MEGF8: variants seen among roughly 807,000 people sequenced by gnomAD.
MEGF8 encodes multiple EGF like domains 8, also known as multiple epidermal growth factor-like domains protein 8.
Under a neutral mutation model 302.9 loss-of-function variants are expected in MEGF8, and 156 were observed. That is an observed-to-expected ratio of 0.52 (90% confidence interval 0.45 to 0.59). The LOEUF (loss-of-function observed/expected upper bound fraction) is 0.59, where lower values mean the gene tolerates loss of function less well. MEGF8 is among the 20% of genes least tolerant of loss of function. MEGF8 has a pLI of 0.00. For missense variants in MEGF8, 3,345 were observed against 3,964.5 expected (o/e 0.84, Z 4.20); for synonymous variants, 1,621 against 1,660.5 (o/e 0.98, Z 0.58).
Position 42,352,805 on chromosome 19 carries a change from A to G in MEGF8, c.3351-123A>G. 1.3e-6 allele frequency: 1 copy of G among 768,232 alleles called. No homozygotes were observed. Among genetic ancestry groups the G allele is most frequent in the South Asian group, 1.8e-5 (1 of 56,658 alleles). The allele number at this position is 768,232 out of a possible 1,614,324, so 47.6% of individuals were successfully genotyped here. A position where few individuals can be genotyped will look rare whatever the true frequency, so the allele number is the denominator to read the frequency against. The stretch of plus-strand genomic sequence containing the variant: ...TTACCTTGGAGACAGGGTCACCCAC[A>G]TAGCCCAAAACCATGGAAACAGCCA... On this transcript the variant is annotated intron_variant, in intron 19 of 41. Coordinates refer to ENST00000251268, the MANE Select transcript of MEGF8 (RefSeq NM_001271938.2). The surrounding 1 kb of genome is among the most constrained non-coding windows in gnomAD (Gnocchi z 4.4).
Position 42,353,589 on chromosome 19 carries a change from C to G in MEGF8, c.3675C>G (p.Asp1225Glu). 1 of 1,596,286 alleles carries G rather than the reference C, an allele frequency of 6.3e-7. No individual in the cohort carries two copies. Among genetic ancestry groups the G allele is most frequent in the South Asian group, 1.1e-5 (1 of 88,692 alleles). Residue 1225 changes from aspartate (D) to glutamate (E), a missense_variant, in exon 21 of 42, where the codon GAC (aspartate) becomes GAG (glutamate). Physicochemically the swap from Asp to Glu is conservative, Grantham distance 45. Transcript: ENST00000251268. The surrounding 1 kb of genome is among the most constrained non-coding windows in gnomAD (Gnocchi z 6.1). Reference protein sequence around the residue: ...GHGDPRRGHCDNLSGLCFCQD... With the variant: ...GHGDPRRGHCENLSGLCFCQD... ...GGGACCCACGCCGTGGCCACTGCGA[C>G]AACCTCAGTGGGCTCTGCTTCTGCC...
chr19:42,356,239 G>A lies in MEGF8; in HGVS notation c.4503+46G>A, dbSNP rs1290997843. 1.1e-5 allele frequency: 16 copies of A among 1,517,474 alleles called. No individual in the cohort carries two copies. The East Asian group carries it at 1.5e-4, about 14-fold the overall frequency. 94.0% of individuals were successfully genotyped at this position (1,517,474 alleles called of 1,614,324 possible). The stretch of plus-strand genomic sequence containing the variant: ...GTCTAGGGATGGTTGCTCCCAGGTC[G>A]TTCTCCCACCTCCATTCCTGGGACC... On this transcript the variant is annotated intron_variant, in intron 25 of 41. Coordinates refer to ENST00000251268, the MANE Select transcript of MEGF8 (RefSeq NM_001271938.2). This position sits in a 1 kb window ranked among gnomAD's most constrained non-coding sequence, Gnocchi z 5.2.
At chr19:42,350,803 T>C (rs145244798) in intron 15 of MEGF8, among the ~76,000 whole-genome samples, 1 of 151,936 alleles carries the variant, frequency 6.6e-6, no homozygotes, top group Non-Finnish European at 1.5e-5. Flanking sequence ...TCAAACAGAG[T>C]GAGGCTTCCT....
In MEGF8 at chr19:42,348,254, C is replaced by G. The variant is rs1468514503; in HGVS notation, c.2098-18C>G. 1.3e-6 allele frequency: 2 copies of G among 1,532,568 alleles called. No homozygotes were observed. Among genetic ancestry groups the G allele is most frequent in the Non-Finnish European group, 1.7e-6 (2 of 1,143,360 alleles). 94.9% of individuals were successfully genotyped at this position (1,532,568 alleles called of 1,614,324 possible). ...TCCAGAAAGGGACTCACACATACACCCATCCCTGGTGGCACAGGTCTCAAT... is the reference window on the plus strand; with the variant it reads ...TCCAGAAAGGGACTCACACATACACGCATCCCTGGTGGCACAGGTCTCAAT... On this transcript the variant is annotated intron_variant, in intron 12 of 41. Transcript: ENST00000251268.
chr19:42,337,379 G>A (rs2039142837), intron 8 of MEGF8, among the ~76,000 whole-genome samples, 173 bp downstream of exon 8: 1 of 152,218 alleles, frequency 6.6e-6, no homozygotes, highest in Admixed American at 6.5e-5. Flanking sequence ...TCGTCACCAT[G>A]GAGATGGGAG....
Position 42,358,880 on chromosome 19 carries a change from A to G in MEGF8, c.5269A>G (p.Lys1757Glu). 1 of 1,611,518 alleles carries G rather than the reference A, an allele frequency of 6.2e-7. No homozygotes were observed. The highest frequency in any genetic ancestry group is 8.5e-7 in the Non-Finnish European group (1 of 1,178,956). The stretch of plus-strand genomic sequence containing the variant: ...GTCATGGGGGTTCCGGGAAGTCAGG[A>G]AGAAGATGGCTCTGTGGGCTGCTCT... ...PGSWGFREVR[K>E]KMALWAALAG... The change falls in exon 30 of 42, where the codon AAG (lysine) becomes GAG (glutamate). Residue 1757 changes from lysine to glutamate, a missense_variant. Coordinates refer to ENST00000251268, the MANE Select transcript of MEGF8 (RefSeq NM_001271938.2). The surrounding 1 kb of genome is among the most constrained non-coding windows in gnomAD (Gnocchi z 4.4).
At chr19:42,359,977 T>A (rs959074758) in intron 31 of MEGF8, among the ~76,000 whole-genome samples, 2 of 151,088 alleles carry the variant, frequency 1.3e-5, no homozygotes, top group African/African-American at 4.9e-5. Flanking sequence ...TTTAATTCCC[T>A]TTTTCTCTTA....
intron 1 of MEGF8, among the ~76,000 whole-genome samples, chr19:42,332,054 A>G (rs1349054894): frequency 6.6e-6 from 1 of 151,642 alleles, no homozygotes; most frequent in East Asian, 1.9e-4. Context: ...ACAGGGTTTC[A>G]CCATGTTGGC....
In MEGF8 at chr19:42,352,369, G is replaced by A. The variant is rs777852895; in HGVS notation, c.3263G>A (p.Arg1088Gln). 12 of 1,589,020 alleles carry A rather than the reference G, an allele frequency of 7.6e-6. No individual in the cohort carries two copies. In the South Asian group the frequency reaches 8.0e-5, roughly 11 times the overall value. ...CTGGGCCTGGCCCGGTGCCACCCGC[G>A]GGCGACCTGCCTGAACACGCCCCTC... Reference protein sequence around the residue: ...CRLGLARCHPRATCLNTPLSY... With the variant: ...CRLGLARCHPQATCLNTPLSY... Residue 1088 changes from arginine (R) to glutamine (Q), a missense_variant, in exon 19 of 42, where the codon CGG (arginine) becomes CAG (glutamine). Arg to Gln is a conservative substitution (Grantham distance 43, BLOSUM62 1). Transcript: ENST00000251268. The surrounding 1 kb of genome is among the most constrained non-coding windows in gnomAD (Gnocchi z 4.4).
chr19:42,342,948 A>G (rs779980341), intron 8 of MEGF8, among the ~76,000 whole-genome samples: 2 of 152,182 alleles, frequency 1.3e-5, no homozygotes, highest in Non-Finnish European at 2.9e-5. Flanking sequence ...TGCCAGAACC[A>G]GGGACAACTC....
Position 42,353,998 on chromosome 19 carries a change from TC to T in MEGF8, c.3990del (p.Asp1331ThrfsTer8). On this transcript the variant is annotated frameshift_variant, in exon 22 of 42. Coordinates refer to ENST00000251268, the MANE Select transcript of MEGF8 (RefSeq NM_001271938.2). LOFTEE classifies it high-confidence loss of function. The surrounding 1 kb of genome is among the most constrained non-coding windows in gnomAD (Gnocchi z 6.1). ...CTGTCCCCCACTCACCCTCACCTTC[TC>T]CCCCGACAGCAGCACCCCCTGCACG... ...TLCPPLTLTF[S>X]PDSSTPCTLS... is the part of the protein sequence containing the mutation. The T allele has an allele frequency of 6.3e-7, 1 of 1,584,018 alleles. No individual in the cohort carries two copies. Among genetic ancestry groups the T allele is most frequent in the Non-Finnish European group, 8.6e-7 (1 of 1,166,186 alleles).
chr19:42,368,562 C>A lies in MEGF8; in HGVS notation c.6381C>A (p.Cys2127Ter), dbSNP rs532126083. Residue 2127 changes from cysteine to a stop codon, truncating the protein, a stop_gained, in exon 36 of 42, where the codon TGC (cysteine) becomes TGA (stop). Coordinates refer to ENST00000251268, the MANE Select transcript of MEGF8 (RefSeq NM_001271938.2). LOFTEE classifies it high-confidence loss of function. The surrounding 1 kb of genome is among the most constrained non-coding windows in gnomAD (Gnocchi z 4.9). ...CSLGCAQATQ[C>*]ALCLRRPHCG... ...TGGGCTGTGCTCAGGCAACTCAGTG[C>A]GCCTTGTGCCTGCGGCGCCCCCATT... 3 of 1,595,146 alleles carry A rather than the reference C, an allele frequency of 1.9e-6. No individual in the cohort carries two copies. The highest frequency in any genetic ancestry group is 2.7e-5 in the African/African-American group (2 of 74,514).
chr19:42,371,471 T>A lies in MEGF8; in HGVS notation c.7258T>A (p.Tyr2420Asn). Residue 2420 changes from tyrosine to asparagine, a missense_variant, in exon 41 of 42, where the codon TAC becomes AAC. Physicochemically the swap from Tyr to Asn is moderately radical, Grantham distance 143 (BLOSUM62 -2). Coordinates refer to ENST00000251268, the MANE Select transcript of MEGF8 (RefSeq NM_001271938.2). The stretch of plus-strand genomic sequence containing the variant: ...CTCCCCCAGTGACCGTCGAGACTGC[T>A]ACAAGTACCAGGTGCGGCTGCAGAA... ...GSSPSDRRDC[Y>N]KYQCAKCRES... The A allele has an allele frequency of 6.2e-7, 1 of 1,613,798 alleles. No homozygotes were observed. Among genetic ancestry groups the A allele is most frequent in the African/African-American group, 1.3e-5 (1 of 75,046 alleles).
At chr19:42,327,312 C>T (rs1232377381) in intron 1 of MEGF8, among the ~76,000 whole-genome samples, 1 of 152,202 alleles carries the variant, frequency 6.6e-6, no homozygotes, top group Non-Finnish European at 1.5e-5. Context: ...TCCCTGGTGA[C>T]TTAGGTCTTG....
chr19:42,346,143 G>GC (rs889188062), intron 12 of MEGF8, among the ~76,000 whole-genome samples: 1 of 152,130 alleles, frequency 6.6e-6, no homozygotes, highest in African/African-American at 2.4e-5. Flanking sequence ...CTCATGATCT[G>GC]CCTGCCTCAG....
At position 42,359,119 on chromosome 19, in the gene MEGF8, G is replaced by A. The variant is rs376869149; in HGVS notation, c.5365G>A (p.Ala1789Thr). 2.1e-5 allele frequency: 28 copies of A among 1,320,998 alleles called. No homozygotes were observed. The highest frequency in any genetic ancestry group is 1.1e-4 in the African/African-American group (7 of 61,732). The allele number at this position is 1,320,998 out of a possible 1,614,324, so 81.8% of individuals were successfully genotyped here. ...LKEPRPRLFH[A>T]SALLGDTMVV... Reference sequence around the variant, plus strand: ...ACAGCCCCGCCCCCGGCTTTTCCACGCCTCAGCCCTGTTAGGGGACACCAT... The same window carrying A: ...ACAGCCCCGCCCCCGGCTTTTCCACACCTCAGCCCTGTTAGGGGACACCAT... Residue 1789 changes from alanine (A) to threonine (T), a missense_variant, in exon 31 of 42, where the codon GCC becomes ACC. Transcript: ENST00000251268.
chr19:42,370,327 G>C lies in MEGF8; in HGVS notation c.6973G>C (p.Glu2325Gln). 1 of 1,601,102 alleles carries C rather than the reference G, an allele frequency of 6.2e-7. No individual in the cohort carries two copies. The highest frequency in any genetic ancestry group is 8.5e-7 in the Non-Finnish European group (1 of 1,173,490). Residue 2325 changes from glutamate to glutamine, a missense_variant, in exon 39 of 42, where the codon GAG becomes CAG. Coordinates refer to ENST00000251268, the MANE Select transcript of MEGF8 (RefSeq NM_001271938.2). ...SRKELQMSKG[E>Q]PKKYSLDPEE... is the part of the protein sequence containing the mutation. Reference sequence around the variant, plus strand: ...GAAGGAGTTACAAATGTCCAAGGGAGAGCCAAAGAAGTACTCACTGGACCC... The same window carrying C: ...GAAGGAGTTACAAATGTCCAAGGGACAGCCAAAGAAGTACTCACTGGACCC...
At chr19:42,365,502 A>G (rs1015237671) in intron 35 of MEGF8, among the ~76,000 whole-genome samples, 1 of 151,826 alleles carries the variant, frequency 6.6e-6, no homozygotes, top group Non-Finnish European at 1.5e-5. Flanking sequence ...GGGGTGGCTC[A>G]GGCCTGTAAT....
At position 42,376,871 on chromosome 19, in the gene MEGF8, C is replaced by A; in HGVS notation, c.*96C>A. ...CCTGGGGGCCCCTGGACACTGTCTACTTGGAGACCACTGGCCCCCTTCCCC... is the reference window on the plus strand; with the variant it reads ...CCTGGGGGCCCCTGGACACTGTCTAATTGGAGACCACTGGCCCCCTTCCCC... On this transcript the variant is annotated 3_prime_UTR_variant, in exon 42 of 42. Coordinates refer to ENST00000251268, the MANE Select transcript of MEGF8 (RefSeq NM_001271938.2). This position sits in a 1 kb window ranked among gnomAD's most constrained non-coding sequence, Gnocchi z 8.2. 7.5e-7 allele frequency: 1 copy of A among 1,325,982 alleles called. No homozygotes were observed. The highest frequency in any genetic ancestry group is 9.8e-7 in the Non-Finnish European group (1 of 1,021,218). The allele number at this position is 1,325,982 out of a possible 1,614,324, so 82.1% of individuals were successfully genotyped here. A position where few individuals can be genotyped will look rare whatever the true frequency, so the allele number is the denominator to read the frequency against.
Sources: allele counts gnomAD v4.1 joint callset (sites outside exome capture counted in the v4.1 genomes callset), GRCh38; gene constraint gnomAD v4.1.1; non-coding constraint Gnocchi (gnomAD v3.1); transcripts MANE v1.5; gene names NCBI Gene and HGNC (gene_info 2026-07-23, HGNC 2026-07-21).